ECM2: variants seen among roughly 807,000 people sequenced by gnomAD.
The protein encoded by ECM2 is extracellular matrix protein 2.
In ECM2, 57 loss-of-function variants were observed where a neutral mutation model predicts 67.5. The ratio of observed to expected loss-of-function variants is 0.84; its 90% CI spans 0.68 to 1.05. The LOEUF (loss-of-function observed/expected upper bound fraction) is 1.05, where lower values mean the gene tolerates loss of function less well. ECM2 is among the 50% of genes least tolerant of loss of function. The pLI, the probability that ECM2 is intolerant of heterozygous loss-of-function variation, is 0.00. For synonymous variants in ECM2, 258 were observed against 294.5 expected (o/e 0.88, Z 1.27); for missense variants, 741 against 822.8 (o/e 0.90, Z 1.22).
chr9:92,494,339 T>G (rs931231438), downstream of ECM2, among the ~76,000 whole-genome samples: 14 of 152,250 alleles, frequency 9.2e-5, no homozygotes, highest in African/African-American at 3.4e-4. Flanking sequence ...CAATAAGTGT[T>G]GCACAAGGGT....
intron 1 of ECM2, among the ~76,000 whole-genome samples, chr9:92,533,328 A>AATATATATATATATATAT (rs202147064): frequency 2.6e-4 from 10 of 38,332 alleles, no homozygotes; most frequent in East Asian, 7.4e-4. Context: ...AAAAAAAAAA[A>AATATATATATATATATAT]ATATATATAT....
the ECM2 span, among the ~76,000 whole-genome samples, chr9:92,549,622 G>A: frequency 2.7e-5 from 4 of 148,456 alleles, no homozygotes; most frequent in African/African-American, 7.6e-5. Context: ...ACTCCAGCCT[G>A]AGTGGGAGAG....
At chr9:92,523,324 T>C (rs1045145726) in intron 1 of ECM2, among the ~76,000 whole-genome samples, 2 of 152,206 alleles carry the variant, frequency 1.3e-5, no homozygotes, top group African/African-American at 4.8e-5. Context: ...TAGTAAATAT[T>C]TGAGGCGTCA....
At chr9:92,516,817 C>T (rs1326153297) in intron 3 of ECM2, 1 of 152,130 alleles carries the variant, frequency 6.6e-6, no homozygotes. Context: ...TAGTATAACG[C>T]AAAACACAAT....
chr9:92,512,327 T>A (rs1847403145), intron 4 of ECM2, among the ~76,000 whole-genome samples: 1 of 152,198 alleles, frequency 6.6e-6, no homozygotes, highest in Non-Finnish European at 1.5e-5. Flanking sequence ...TTTAACATAG[T>A]TGACATTTTC....
At chr9:92,549,648 A>G in the ECM2 span, among the ~76,000 whole-genome samples, 137 of 133,934 alleles carry the variant, frequency 1.0e-3, no homozygotes, top group African/African-American at 4.2e-3. Flanking sequence ...CTCCGTCTCA[A>G]AAAAAAAAAA....
the ECM2 span, among the ~76,000 whole-genome samples, chr9:92,554,520 A>G: frequency 6.6e-6 from 1 of 151,512 alleles, no homozygotes; most frequent in South Asian, 2.1e-4. Flanking sequence ...TATCACGTTT[A>G]TTGACCTGCA....
intron 7 of ECM2, among the ~76,000 whole-genome samples, chr9:92,504,803 T>C (rs1041562829): frequency 6.6e-6 from 1 of 152,056 alleles, no homozygotes; most frequent in Non-Finnish European, 1.5e-5. Context: ...CCTCCCAGAG[T>C]GCTGGGATTA....
intron 4 of ECM2, among the ~76,000 whole-genome samples, chr9:92,512,612 C>CT (rs1847420896): frequency 6.6e-6 from 1 of 152,236 alleles, no homozygotes; most frequent in South Asian, 2.1e-4. Context: ...TTGGGGAGAT[C>CT]ATCTCCCAGA....
intron 1 of ECM2, among the ~76,000 whole-genome samples, chr9:92,529,324 T>C (rs1435059769): frequency 1.3e-5 from 2 of 152,204 alleles, no homozygotes; most frequent in Non-Finnish European, 2.9e-5. Flanking sequence ...GGTGAGTGTG[T>C]GGAGCAACTG....
chr9:92,544,321 C>A, the ECM2 span, among the ~76,000 whole-genome samples: 1 of 152,132 alleles, frequency 6.6e-6, no homozygotes, highest in Non-Finnish European at 1.5e-5. Flanking sequence ...ACTAAAAATA[C>A]AAAAATTAGC....
At chr9:92,558,753 A>C in the ECM2 span, among the ~76,000 whole-genome samples, 1 of 152,104 alleles carries the variant, frequency 6.6e-6, no homozygotes, top group Non-Finnish European at 1.5e-5. Flanking sequence ...GGAAAGGACC[A>C]TCAGGTGGGG....
At position 92,514,640 on chromosome 9, in the gene ECM2, C is replaced by T. The variant is rs758674355; in HGVS notation, c.1045G>A (p.Glu349Lys). The change falls in exon 4 of 10, where the codon GAG becomes AAG. Residue 349 changes from glutamate (E) to lysine (K), a missense_variant. By Grantham distance (56) the Glu-to-Lys change is moderately conservative (BLOSUM62 1). Coordinates refer to ENST00000344604, the MANE Select transcript of ECM2 (RefSeq NM_001393.4). ...AGTCAACATCTCTTACCAGTGAGCT[C>T]CAGACTTGTTATCTGTGGTGCTGTC... is the stretch of plus-strand genomic sequence containing the variant. ...PLTAPQITSL[E>K]LTGNSIASIP... is the part of the protein sequence containing the mutation. The T allele has an allele frequency of 6.3e-7, 1 of 1,580,258 alleles. No homozygotes were observed. Among genetic ancestry groups the T allele is most frequent in the South Asian group, 1.2e-5 (1 of 86,612 alleles).
chr9:92,512,126 C>T lies in ECM2; in HGVS notation c.1055G>A (p.Gly352Asp). 2 of 1,611,294 alleles carry T rather than the reference C, an allele frequency of 1.2e-6. No homozygotes were observed. The highest frequency in any genetic ancestry group is 3.3e-5 in the Admixed American group (2 of 59,968). ...ATCTGGGATGGAGGCGATGGAATTG[C>T]CTAGGACACACAGCGGTTATGTTTT... The part of the protein sequence containing the change: ...APQITSLELT[G>D]NSIASIPDEA... The change falls in exon 5 of 10, where the codon GGC becomes GAC. Residue 352 changes from glycine (G) to aspartate (D), a missense_variant and splice_region_variant. Coordinates refer to ENST00000344604, the MANE Select transcript of ECM2 (RefSeq NM_001393.4).
intron 2 of ECM2, among the ~76,000 whole-genome samples, chr9:92,521,507 C>T (rs1258433430): frequency 6.6e-6 from 1 of 152,084 alleles, no homozygotes; most frequent in African/African-American, 2.4e-5. Flanking sequence ...AACGAAGAAG[C>T]ATTTAGCTGT....
downstream of ECM2, chr9:92,494,298 C>G: frequency 1.6e-6 from 1 of 624,760 alleles, no homozygotes; most frequent in East Asian, 3.1e-5. Context: ...TGCCTTAAAC[C>G]ATTTATGTCA....
downstream of ECM2, among the ~76,000 whole-genome samples, chr9:92,494,712 T>C (rs931223808): frequency 6.6e-6 from 1 of 152,088 alleles, no homozygotes; most frequent in Non-Finnish European, 1.5e-5. Context: ...ATTGAGACCA[T>C]CCTGGCCAAC....
chr9:92,555,077 T>C, the ECM2 span, among the ~76,000 whole-genome samples: 1 of 152,046 alleles, frequency 6.6e-6, no homozygotes, highest in African/African-American at 2.4e-5. Context: ...TGATGCTGGC[T>C]TCATAGAATG....
chr9:92,510,334 T>A (rs1847260260), intron 5 of ECM2, among the ~76,000 whole-genome samples: 2 of 152,376 alleles, frequency 1.3e-5, no homozygotes, highest in Admixed American at 1.3e-4. Flanking sequence ...GGATTGGTCA[T>A]TCTTGCTAGA....
Sources: gnomAD v4.1 joint callset for allele counts (sites outside exome capture counted in the v4.1 genomes callset) on GRCh38, gnomAD v4.1.1 for gene constraint, MANE v1.5 for transcripts, NCBI Gene and HGNC (gene_info 2026-07-23, HGNC 2026-07-21) for gene names.